Variants in MCTP2 observed in about 807,000 individuals in gnomAD.
MCTP2 encodes the protein multiple C2 and transmembrane domain containing 2.
A neutral mutation model predicts 111.6 loss-of-function variants in MCTP2; 132 were observed. That is an observed-to-expected ratio of 1.18 (90% CI 1.03 to 1.37). MCTP2 has a LOEUF of 1.37. Among genes scored for constraint, MCTP2 ranks in the 40% most tolerant of loss-of-function variants. The pLI, the probability that MCTP2 is intolerant of heterozygous loss-of-function variation, is 0.00. For missense variants in MCTP2, 1,183 were observed against 1,067.9 expected (o/e 1.11, Z -1.50); for synonymous variants, 395 against 387.7 (o/e 1.02, Z -0.22).
intron 18 of MCTP2, among the ~76,000 whole-genome samples, chr15:94,440,882 CT>C (rs1483536445): frequency 1.3e-5 from 2 of 152,178 alleles, no homozygotes; most frequent in African/African-American, 4.8e-5. Context: ...TCAAAGACAT[CT>C]CTCCGCATCT....
Position 94,298,257 on chromosome 15 carries a change from C to T in MCTP2, c.-9C>T, listed in dbSNP as rs777840344. Reference sequence around the variant, plus strand: ...TCTGAGAAGTGGCTTCTTGGGTCTTCATGCAGCCATGGATCTGGATAAACC... The same window carrying T: ...TCTGAGAAGTGGCTTCTTGGGTCTTTATGCAGCCATGGATCTGGATAAACC... On this transcript the variant is annotated 5_prime_UTR_variant, in exon 2 of 23. Coordinates refer to ENST00000357742, the MANE Select transcript of MCTP2 (RefSeq NM_001385001.1). The T allele has an allele frequency of 6.3e-7, 1 of 1,590,028 alleles. No individual in the cohort carries two copies. Among genetic ancestry groups the T allele is most frequent in the Non-Finnish European group, 8.6e-7 (1 of 1,168,594 alleles).
At chr15:94,339,507 G>GTACA (rs2077526651) in intron 5 of MCTP2, 75 bp downstream of exon 5, 2 of 1,239,432 alleles carry the variant, frequency 1.6e-6, no homozygotes. Context: ...CCTCTTAGAC[G>GTACA]TGAACTTGCC....
intron 14 of MCTP2, among the ~76,000 whole-genome samples, chr15:94,395,359 A>G (rs1302303384): frequency 6.6e-6 from 1 of 152,236 alleles, no homozygotes; most frequent in Non-Finnish European, 1.5e-5. Context: ...GGGAATCAGT[A>G]TGACCCTTTA....
chr15:94,408,221 G>T (rs1596615281), intron 17 of MCTP2, among the ~76,000 whole-genome samples: 1 of 152,126 alleles, frequency 6.6e-6, no homozygotes, highest in East Asian at 1.9e-4. Flanking sequence ...CCATTTGCTA[G>T]GTGTGTGTGC....
At chr15:94,433,227 C>T (rs1196852391) in intron 17 of MCTP2, among the ~76,000 whole-genome samples, 5 of 152,102 alleles carry the variant, frequency 3.3e-5, no homozygotes, top group Admixed American at 3.3e-4. Flanking sequence ...GAGTCATGTT[C>T]TCCTATCTGA....
At chr15:94,446,663 A>G (rs923721007) in intron 19 of MCTP2, among the ~76,000 whole-genome samples, 7 of 152,356 alleles carry the variant, frequency 4.6e-5, no homozygotes, top group South Asian at 4.1e-4. Flanking sequence ...AGCATTTTCT[A>G]TTAACATCAG....
chr15:94,367,868 T>G, intron 11 of MCTP2, 77 bp downstream of exon 11: 1 of 1,279,680 alleles, frequency 7.8e-7, no homozygotes, highest in Non-Finnish European at 1.1e-6. Flanking sequence ...TGAAACAAAG[T>G]CTCTGAATTG....
At position 94,298,589 on chromosome 15, in the gene MCTP2, A is replaced by G. The variant is rs2075384152; in HGVS notation, c.324A>G (p.Glu108=). The G allele has an allele frequency of 1.2e-6, 2 of 1,614,146 alleles. No homozygotes were observed. The highest frequency in any genetic ancestry group is 1.7e-6 in the Non-Finnish European group (2 of 1,180,024). Residue 108 remains glutamate, a synonymous_variant, in exon 2 of 23, where the codon GAA becomes GAG. Transcript: ENST00000357742. The part of the protein sequence containing the change: ...QSEEELDWSQ[E]EASHLHVVET... ...AAGAAGAATTGGATTGGAGCCAGGA[A>G]GAAGCCAGTCACCTCCATGTGGTGG...
intron 1 of MCTP2, among the ~76,000 whole-genome samples, chr15:94,237,321 C>T (rs2070638540): frequency 6.6e-6 from 1 of 152,018 alleles, no homozygotes; most frequent in African/African-American, 2.4e-5. Flanking sequence ...ATCCTCCACT[C>T]TCTTTGGCCT....
chr15:94,315,663 G>A lies in MCTP2; in HGVS notation c.637+26G>A, dbSNP rs767985238. 18 of 1,521,724 alleles carry A rather than the reference G, an allele frequency of 1.2e-5. No homozygotes were observed. In the South Asian group the frequency reaches 1.5e-4, roughly 12 times the overall value. 94.3% of individuals were successfully genotyped at this position (1,521,724 alleles called of 1,614,324 possible). ...GTAAGACCTGGGTCTGTTATGGTGG[G>A]TGTAGCCTGGAAACTTCTTTCTCTC... On this transcript the variant is annotated intron_variant, in intron 4 of 22. Transcript: ENST00000357742.
chr15:94,357,469 G>A, intron 9 of MCTP2, among the ~76,000 whole-genome samples: 1 of 152,150 alleles, frequency 6.6e-6, no homozygotes, highest in East Asian at 1.9e-4. Flanking sequence ...AAGGTGAAGT[G>A]TAGAATTAGT....
At chr15:94,406,368 C>A (rs2081896409) in intron 17 of MCTP2, among the ~76,000 whole-genome samples, 1 of 152,160 alleles carries the variant, frequency 6.6e-6, no homozygotes, top group African/African-American at 2.4e-5. Flanking sequence ...AGGCTTAACC[C>A]TTCAGCTATT....
chr15:94,245,214 A>ATG (rs1253954587), intron 1 of MCTP2, among the ~76,000 whole-genome samples: 5 of 140,904 alleles, frequency 3.5e-5, no homozygotes, highest in African/African-American at 1.3e-4. Context: ...ATTTATACAT[A>ATG]TGTGTATATA....
At chr15:94,331,043 G>A (rs985453492) in intron 4 of MCTP2, among the ~76,000 whole-genome samples, 3 of 152,174 alleles carry the variant, frequency 2.0e-5, no homozygotes, top group African/African-American at 4.8e-5. Flanking sequence ...CCAGGCATAT[G>A]TTTTTAATGA....
At position 94,327,375 on chromosome 15, in the gene MCTP2, A is replaced by G. The variant is rs1015922577; in HGVS notation, c.637+11738A>G. ...CGGTCACTTTTTAAGTATACATTAA[A>G]TTGCAGCACATATTGGAGCCTGCTT... is the stretch of plus-strand genomic sequence containing the variant. On this transcript the variant is annotated intron_variant, in intron 4 of 22. Coordinates refer to ENST00000357742, the MANE Select transcript of MCTP2 (RefSeq NM_001385001.1). Among the ~76,000 whole-genome samples the G allele has an allele frequency of 2.6e-5, 4 of 152,244 alleles. No individual in the cohort carries two copies. In the East Asian group the frequency reaches 7.7e-4, roughly 29 times the overall value.
intron 8 of MCTP2, among the ~76,000 whole-genome samples, chr15:94,347,941 ATTAT>A (rs951214837): frequency 6.6e-6 from 1 of 151,404 alleles, no homozygotes; most frequent in African/African-American, 2.4e-5. Flanking sequence ...ACCCCCTGCT[ATTAT>A]TTGGGTGTGT....
chr15:94,424,604 A>T (rs2082789629), intron 17 of MCTP2, among the ~76,000 whole-genome samples: 1 of 152,168 alleles, frequency 6.6e-6, no homozygotes, highest in Admixed American at 6.5e-5. Context: ...GAGTAGGACC[A>T]CTAGGTTTTG....
At chr15:94,458,313 G>A in intron 20 of MCTP2, 67 bp downstream of exon 20, 1 of 951,374 alleles carries the variant, frequency 1.1e-6, no homozygotes, top group Admixed American at 1.7e-5. Flanking sequence ...GTGGGGTAAT[G>A]GCAGTGGTGT....
At chr15:94,366,298 A>G (rs918203022) in intron 10 of MCTP2, among the ~76,000 whole-genome samples, 5 of 152,224 alleles carry the variant, frequency 3.3e-5, no homozygotes, top group Admixed American at 3.3e-4. Context: ...CAAAAGCTCT[A>G]ATGGCCACTC....
Sources: allele counts gnomAD v4.1 joint callset (sites outside exome capture counted in the v4.1 genomes callset), GRCh38; gene constraint gnomAD v4.1.1; transcripts MANE v1.5; gene names NCBI Gene and HGNC (gene_info 2026-07-23, HGNC 2026-07-21).